C3orf70: variants seen among roughly 807,000 people sequenced by gnomAD.
The protein encoded by C3orf70 is UPF0524 protein C3orf70.
Under a neutral mutation model 20.7 loss-of-function variants are expected in C3orf70, and 15 were observed. That is an observed-to-expected ratio of 0.72 (90% CI 0.48 to 1.11). The LOEUF (loss-of-function observed/expected upper bound fraction) is 1.11, where lower values mean the gene tolerates loss of function less well. C3orf70 is among the 50% of genes most tolerant of loss of function. The probability of loss-of-function intolerance (pLI) is 0.00; values close to 1 mark genes in which losing one functional copy is unlikely to be tolerated. For missense variants in C3orf70, 332 were observed against 317.6 expected (o/e 1.05, Z -0.34); for synonymous variants, 161 against 125.7 (o/e 1.28, Z -1.88).
chr3:185,128,858 TC>T (rs1000329907), intron 1 of C3orf70, among the ~76,000 whole-genome samples: 2 of 152,194 alleles, frequency 1.3e-5, no homozygotes, highest in African/African-American at 4.8e-5. Context: ...CAAGGTGCTT[TC>T]TTTCTTAAGT....
chr3:185,112,048 T>C (rs1369914708), intron 1 of C3orf70, among the ~76,000 whole-genome samples: 1 of 152,104 alleles, frequency 6.6e-6, no homozygotes, highest in Non-Finnish European at 1.5e-5. Context: ...CCCAGCACTT[T>C]GGGAGGCTGA....
intron 1 of C3orf70, among the ~76,000 whole-genome samples, chr3:185,094,379 T>G (rs1463628052): frequency 2.0e-5 from 3 of 152,076 alleles, no homozygotes; most frequent in Non-Finnish European, 4.4e-5. Context: ...GCCCGGCCTA[T>G]TTGTATTTTT....
chr3:185,087,938 G>T (rs1008645680), intron 1 of C3orf70, among the ~76,000 whole-genome samples: 1 of 143,374 alleles, frequency 7.0e-6, no homozygotes, highest in Non-Finnish European at 1.5e-5. Context: ...TTGAGATGGA[G>T]TCTCTCTCTG....
At chr3:185,100,429 C>T (rs1476968917) in intron 1 of C3orf70, among the ~76,000 whole-genome samples, 1 of 152,074 alleles carries the variant, frequency 6.6e-6, no homozygotes, top group Non-Finnish European at 1.5e-5. Context: ...AGTTGAATAA[C>T]CTGCTCCTGA....
chr3:185,097,892 A>G (rs1294119536), intron 1 of C3orf70, among the ~76,000 whole-genome samples: 2 of 152,226 alleles, frequency 1.3e-5, no homozygotes. Context: ...TGTCCACGTT[A>G]TGTGTGTAGA....
intron 1 of C3orf70, among the ~76,000 whole-genome samples, chr3:185,087,370 C>A (rs1715479837): frequency 6.6e-6 from 1 of 152,162 alleles, no homozygotes; most frequent in South Asian, 2.1e-4. Context: ...ATTTGAATAT[C>A]CATGTTCACA....
intron 1 of C3orf70, among the ~76,000 whole-genome samples, chr3:185,100,417 G>A (rs1715799217): frequency 6.6e-6 from 1 of 152,108 alleles, no homozygotes; most frequent in Non-Finnish European, 1.5e-5. Flanking sequence ...CAATTATATG[G>A]AAGTTGAATA....
At chr3:185,089,165 T>A (rs1219579949) in intron 1 of C3orf70, among the ~76,000 whole-genome samples, 1 of 152,202 alleles carries the variant, frequency 6.6e-6, no homozygotes, top group Admixed American at 6.5e-5. Context: ...AATTCCCAAA[T>A]AAATTCAACA....
At chr3:185,119,661 T>C (rs1254235387) in intron 1 of C3orf70, among the ~76,000 whole-genome samples, 1 of 152,082 alleles carries the variant, frequency 6.6e-6, no homozygotes, top group African/African-American at 2.4e-5. Flanking sequence ...GAAAAGTACA[T>C]CACTAATCTA....
chr3:185,151,591 G>A (rs1716989856), intron 1 of C3orf70, among the ~76,000 whole-genome samples: 1 of 152,090 alleles, frequency 6.6e-6, no homozygotes, highest in Admixed American at 6.5e-5. Flanking sequence ...TCATAAATTC[G>A]ATTTAAAATA....
chr3:185,116,352 C>T (rs561184674), intron 1 of C3orf70, among the ~76,000 whole-genome samples: 9 of 148,292 alleles, frequency 6.1e-5, no homozygotes, highest in South Asian at 2.2e-4. Flanking sequence ...AATGAGTGAA[C>T]GAAAAAACAA....
In C3orf70 at chr3:185,113,922, G is replaced by A. The variant is rs112295887; in HGVS notation, c.197-30359C>T. On this transcript the variant is annotated intron_variant, in intron 1 of 1. Transcript: ENST00000335012. ...CTCTAAGAAAATAACCAAATGGGCC[G>A]GGCGTGGTGGCTCACGCCTGTAAAC... Among the ~76,000 whole-genome samples the A allele has an allele frequency of 2.0e-4, 31 of 152,250 alleles. 1 individual carries two copies. The highest frequency in any genetic ancestry group is 7.0e-4 in the African/African-American group (29 of 41,562).
At chr3:185,093,115 C>T (rs59066149) in intron 1 of C3orf70, among the ~76,000 whole-genome samples, 3,665 of 152,210 alleles carry the variant, frequency 0.024, 121 homozygotes, top group African/African-American at 0.083. Context: ...AATCAAGCCA[C>T]CAACCCCCTC....
intron 1 of C3orf70, 101 bp downstream of exon 1, chr3:185,152,527 C>T: frequency 3.7e-6 from 4 of 1,090,292 alleles, no homozygotes. Flanking sequence ...CCCGGCAGAG[C>T]CCGGAGCCCC....
chr3:185,151,562 T>C (rs983202777), intron 1 of C3orf70, among the ~76,000 whole-genome samples: 23 of 152,312 alleles, frequency 1.5e-4, no homozygotes, highest in African/African-American at 4.8e-4. Flanking sequence ...GTAAAGAAAA[T>C]GATCCTCTAT....
intron 1 of C3orf70, among the ~76,000 whole-genome samples, chr3:185,104,578 A>G (rs1446160263): frequency 6.6e-6 from 1 of 152,190 alleles, no homozygotes; most frequent in East Asian, 1.9e-4. Flanking sequence ...ATCAACCCAA[A>G]TGCCCATCAA....
In C3orf70 at chr3:185,152,879, G is replaced by C. The variant is rs1717026138; in HGVS notation, c.-56C>G. ...GGAGCCCGGGAGAAGCGACGTCTGG[G>C]TGGGCAGGAAGCCGAGCCGGCTGCG... On this transcript the variant is annotated 5_prime_UTR_variant, in exon 1 of 2. Transcript: ENST00000335012. The C allele has an allele frequency of 4.2e-6, 6 of 1,419,472 alleles. No homozygotes were observed. In the East Asian group the frequency reaches 1.8e-4, roughly 42 times the overall value. The allele number at this position is 1,419,472 out of a possible 1,614,324, so 87.9% of individuals were successfully genotyped here. A position where few individuals can be genotyped will look rare whatever the true frequency, so the allele number is the denominator to read the frequency against.
intron 1 of C3orf70, among the ~76,000 whole-genome samples, chr3:185,120,035 A>G (rs970141364): frequency 2.0e-5 from 3 of 149,168 alleles, no homozygotes; most frequent in African/African-American, 7.4e-5. Flanking sequence ...AAAAAAAAAA[A>G]AAAGAAAAAG....
chr3:185,108,501 T>G (rs904844620), intron 1 of C3orf70, among the ~76,000 whole-genome samples: 3 of 152,282 alleles, frequency 2.0e-5, no homozygotes, highest in Admixed American at 6.5e-5. Flanking sequence ...AGAATTAGAA[T>G]GCACCCTTTT....
Sources: allele counts gnomAD v4.1 joint callset (sites outside exome capture counted in the v4.1 genomes callset), GRCh38; gene constraint gnomAD v4.1.1; transcripts MANE v1.5; gene names NCBI Gene and HGNC (gene_info 2026-07-23, HGNC 2026-07-21).